The following IL6R variants were observed in gnomAD, a reference collection of about 807,000 sequenced individuals.
The protein encoded by IL6R is interleukin 6 receptor.
IL6R carries 38 observed loss-of-function variants against 48.3 expected under a neutral mutation model. The observed-to-expected ratio is 0.79, with a 90% confidence interval of 0.61 to 1.03. The LOEUF is 1.03. IL6R is among the 50% of genes least tolerant of loss of function. The pLI is 0.00. For missense variants in IL6R, 534 were observed against 618.3 expected (o/e 0.86, Z 1.45); for synonymous variants, 264 against 256.2 (o/e 1.03, Z -0.29).
At chr1:154,424,554 G>T (rs757236739) in intron 1 of IL6R, among the ~76,000 whole-genome samples, 17 of 152,224 alleles carry the variant, frequency 1.1e-4, no homozygotes, top group Non-Finnish European at 2.2e-4. Context: ...CTGCAAGTTT[G>T]TCATTTGTGC....
chr1:154,463,472 C>T (rs1000631675), intron 9 of IL6R, among the ~76,000 whole-genome samples: 2 of 152,178 alleles, frequency 1.3e-5, no homozygotes, highest in Non-Finnish European at 2.9e-5. Context: ...AATAACCTGT[C>T]GATATAAAAA....
chr1:154,419,318 C>T (rs1558302785), intron 1 of IL6R, among the ~76,000 whole-genome samples: 1 of 152,144 alleles, frequency 6.6e-6, no homozygotes, highest in Non-Finnish European at 1.5e-5. Context: ...CAGTCTCAGT[C>T]CAAAGATGGA....
chr1:154,458,942 C>G (rs1691084904), intron 9 of IL6R, among the ~76,000 whole-genome samples: 4 of 151,644 alleles, frequency 2.6e-5, no homozygotes, highest in African/African-American at 7.3e-5. Context: ...AGAATCAAAC[C>G]AAAAACTCCT....
intron 1 of IL6R, among the ~76,000 whole-genome samples, chr1:154,424,587 G>GT (rs1688864210): frequency 6.6e-6 from 1 of 152,210 alleles, no homozygotes; most frequent in African/African-American, 2.4e-5. Flanking sequence ...TCCGTGTTAG[G>GT]TTTTATCTTG....
chr1:154,460,885 G>A (rs1473920146), intron 9 of IL6R, among the ~76,000 whole-genome samples: 1 of 152,128 alleles, frequency 6.6e-6, no homozygotes, highest in Non-Finnish European at 1.5e-5. Flanking sequence ...AAGACAAAGA[G>A]ATAAAGAGAA....
intron 9 of IL6R, among the ~76,000 whole-genome samples, chr1:154,457,314 C>T (rs1458982262): frequency 2.1e-5 from 2 of 95,452 alleles, no homozygotes; most frequent in Non-Finnish European, 3.9e-5. Context: ...CAGAGCAAGA[C>T]TCCGTCTCAA....
intron 8 of IL6R, among the ~76,000 whole-genome samples, chr1:154,452,756 G>A (rs1037172639): frequency 3.3e-5 from 5 of 151,776 alleles, no homozygotes; most frequent in South Asian, 4.2e-4. Flanking sequence ...GGGTGAACCC[G>A]GGAGGCGGAG....
intron 1 of IL6R, among the ~76,000 whole-genome samples, chr1:154,422,389 C>T (rs890748285): frequency 2.0e-5 from 3 of 152,170 alleles, no homozygotes; most frequent in African/African-American, 7.2e-5. Flanking sequence ...CTTCTTAGTT[C>T]CCTCAGTATG....
chr1:154,434,706 T>C lies in IL6R; in HGVS notation c.640+6T>C, dbSNP rs1210864930. On this transcript the variant is annotated splice_donor_region_variant and intron_variant, in intron 4 of 9. Coordinates refer to ENST00000368485, the MANE Select transcript of IL6R (RefSeq NM_000565.4). ...CTTTCAGGGTTGTGGAATCTGTACG[T>C]AAGCTCTAACCCCCTCTCCAGCAGT... The C allele has an allele frequency of 6.2e-7, 1 of 1,612,732 alleles. No homozygotes were observed. The highest frequency in any genetic ancestry group is 1.7e-5 in the Admixed American group (1 of 59,866).
At chr1:154,448,568 C>A (rs1377522650) in intron 7 of IL6R, among the ~76,000 whole-genome samples, 1 of 152,176 alleles carries the variant, frequency 6.6e-6, no homozygotes, top group Non-Finnish European at 1.5e-5. Flanking sequence ...TTGAGTAATC[C>A]AATTTCCTAT....
intron 6 of IL6R, among the ~76,000 whole-genome samples, chr1:154,446,524 G>A (rs1229302426): frequency 6.6e-6 from 1 of 152,196 alleles, no homozygotes; most frequent in Non-Finnish European, 1.5e-5. Context: ...GAAAAATGAT[G>A]AGCTGACAAG....
chr1:154,409,533 G>A (rs763359239), intron 1 of IL6R, among the ~76,000 whole-genome samples: 1 of 152,150 alleles, frequency 6.6e-6, no homozygotes, highest in Non-Finnish European at 1.5e-5. Flanking sequence ...GTATTACCTC[G>A]AAGGGTGGTT....
intron 3 of IL6R, among the ~76,000 whole-genome samples, 156 bp downstream of exon 3, chr1:154,430,762 T>G (rs28730733): frequency 0.02 from 3,010 of 152,308 alleles, 99 homozygotes; most frequent in African/African-American, 0.067. Flanking sequence ...GATTTACATT[T>G]GACTGCCCCC....
chr1:154,447,454 A>AAT (rs1299735875), intron 6 of IL6R, among the ~76,000 whole-genome samples: 796 of 70,032 alleles, frequency 0.011, 28 homozygotes, highest in African/African-American at 0.047. Context: ...AAAAAAAAAA[A>AAT]ATATATATAT....
chr1:154,432,505 A>C (rs1689349485), intron 3 of IL6R, among the ~76,000 whole-genome samples: 1 of 151,828 alleles, frequency 6.6e-6, no homozygotes. Context: ...TTACAGGCGC[A>C]CACCACCACG....
At chr1:154,435,785 T>G (rs1689589670) in intron 5 of IL6R, among the ~76,000 whole-genome samples, 184 bp from the exon 6 acceptor site, 1 of 152,230 alleles carries the variant, frequency 6.6e-6, no homozygotes, top group Non-Finnish European at 1.5e-5. Context: ...AGGGACTTTC[T>G]GCTTCAGCTT....
intron 2 of IL6R, 29 bp downstream of exon 2, chr1:154,429,473 T>C: frequency 6.3e-7 from 1 of 1,589,352 alleles, no homozygotes; most frequent in Non-Finnish European, 8.6e-7. Flanking sequence ...GTCCCGGAGA[T>C]AGTTCCCGTA....
At chr1:154,446,721 C>T (rs1212017347) in intron 6 of IL6R, among the ~76,000 whole-genome samples, 1 of 152,126 alleles carries the variant, frequency 6.6e-6, no homozygotes, top group Non-Finnish European at 1.5e-5. Flanking sequence ...TAAACCCATA[C>T]AGGCAAATGA....
intron 1 of IL6R, among the ~76,000 whole-genome samples, chr1:154,426,108 CATAT>C (rs879897086): frequency 0.011 from 1,410 of 131,648 alleles, 2 homozygotes; most frequent in Middle Eastern, 0.025. Flanking sequence ...CACACACACA[CATAT>C]ACACACAAAG....
Sources: gnomAD v4.1 joint callset for allele counts (sites outside exome capture counted in the v4.1 genomes callset) on GRCh38, gnomAD v4.1.1 for gene constraint, MANE v1.5 for transcripts, NCBI Gene and HGNC (gene_info 2026-07-23, HGNC 2026-07-21) for gene names.